The following IQSEC1 variants were observed in gnomAD, a reference collection of about 807,000 sequenced individuals.
IQSEC1 encodes the protein IQ motif and SEC7 domain-containing protein 1.
Under a neutral mutation model 91.0 loss-of-function variants are expected in IQSEC1, and 31 were observed. The ratio of observed to expected loss-of-function variants is 0.34; its 90% CI spans 0.26 to 0.46. The LOEUF is 0.46. Among genes scored for constraint, IQSEC1 ranks in the 20% least tolerant of loss-of-function variants. IQSEC1 has a pLI of 1.00. For missense variants in IQSEC1, 1,388 were observed against 1,575.6 expected (o/e 0.88, Z 2.02); for synonymous variants, 699 against 662.6 (o/e 1.05, Z -0.84).
At chr3:12,926,496 T>G (rs1408519832) in intron 3 of IQSEC1, among the ~76,000 whole-genome samples, 1 of 152,210 alleles carries the variant, frequency 6.6e-6, no homozygotes, top group Non-Finnish European at 1.5e-5. Flanking sequence ...CCGAGGGCTG[T>G]CAAGTGGTTG....
chr3:12,952,267 A>T (rs535377610), intron 1 of IQSEC1, among the ~76,000 whole-genome samples: 1 of 152,222 alleles, frequency 6.6e-6, no homozygotes, highest in East Asian at 1.9e-4. Context: ...TCAGGCTCCA[A>T]ACTGAGCTTC....
At chr3:13,087,283 TA>T (rs1025039864) in intron 2 of IQSEC1, among the ~76,000 whole-genome samples, 11 of 152,226 alleles carry the variant, frequency 7.2e-5, no homozygotes, top group Non-Finnish European at 1.5e-4. Context: ...CCTGATGTTT[TA>T]AAGAGCTCCC....
Position 13,167,788 on chromosome 3 carries a change from G to T in IQSEC1, c.273-3655C>A, listed in dbSNP as rs374252286. Among the ~76,000 whole-genome samples, 75 of 152,354 alleles carry T rather than the reference G, an allele frequency of 4.9e-4. 2 individuals carry two copies. The South Asian group carries it at 0.01, about 21-fold the overall frequency. Reference sequence around the variant, plus strand: ...ACCTGCAGACTGCCCCCTTCGCCATGTGTGCAGCCCCTCCTTCCATGCTCA... The same window carrying T: ...ACCTGCAGACTGCCCCCTTCGCCATTTGTGCAGCCCCTCCTTCCATGCTCA... On this transcript the variant is annotated intron_variant, in intron 1 of 15. Transcript: ENST00000648114.
intron 1 of IQSEC1, among the ~76,000 whole-genome samples, chr3:13,164,229 G>C (rs542789326): frequency 2.6e-5 from 4 of 152,268 alleles, no homozygotes; most frequent in African/African-American, 9.6e-5. Flanking sequence ...GGCCCCAGCT[G>C]CTCCCAGCAT....
chr3:13,067,683 A>C (rs1423876748), intron 1 of IQSEC1, among the ~76,000 whole-genome samples: 1 of 152,192 alleles, frequency 6.6e-6, no homozygotes, highest in Non-Finnish European at 1.5e-5. Flanking sequence ...CCCCACCCAC[A>C]AGGGCACACA....
upstream of IQSEC1, among the ~76,000 whole-genome samples, chr3:13,076,166 C>T (rs1273665527): frequency 6.6e-6 from 1 of 152,172 alleles, no homozygotes; most frequent in African/African-American, 2.4e-5. Context: ...TGCCCTGTGA[C>T]CCTGGTTATA....
Position 12,935,813 on chromosome 3 carries a change from C to G in IQSEC1, c.1203G>C (p.Gln401His). The G allele has an allele frequency of 1.9e-6, 3 of 1,608,098 alleles. No individual in the cohort carries two copies. The highest frequency in any genetic ancestry group is 2.5e-6 in the Non-Finnish European group (3 of 1,179,870). ...TGTGGGGACCATGCTTGGGACTGCC[C>G]TGCTGCCCGCCAAGGCTGCGCTCGT... ...SAYERSLGGQQGSPKHGPHSG... is the reference protein window; with the variant it reads ...SAYERSLGGQHGSPKHGPHSG... The change falls in exon 3 of 14, where the codon CAG (glutamine) becomes CAC (histidine). Residue 401 changes from glutamine (Q) to histidine (H), a missense_variant. By Grantham distance (24) the Gln-to-His change is conservative. This residue lies in a region of IQSEC1 where 1,059 missense variants were observed against 1,317.8 expected (regional missense o/e 0.80). Coordinates refer to ENST00000613206, the MANE Select transcript of IQSEC1 (RefSeq NM_001134382.3). The surrounding 1 kb of genome is among the most constrained non-coding windows in gnomAD (Gnocchi z 8.0).
upstream of IQSEC1, among the ~76,000 whole-genome samples, chr3:13,074,335 G>A (rs73142890): frequency 8.3e-3 from 765 of 91,628 alleles, 8 homozygotes; most frequent in African/African-American, 0.034. Context: ...TGGCCCAGAG[G>A]AGGCCAGCGT....
chr3:13,151,085 G>A (rs376759447), intron 2 of IQSEC1, among the ~76,000 whole-genome samples: 1 of 152,206 alleles, frequency 6.6e-6, no homozygotes. Flanking sequence ...GGGTCTCTGT[G>A]AGGAAATATC....
rs1196414087 is a variant in IQSEC1, at chr3:12,922,544, C to T, written c.1731-302G>A. 1.3e-5 allele frequency among the ~76,000 whole-genome samples: 2 copies of T among 152,190 alleles called. No homozygotes were observed. The highest frequency in any genetic ancestry group is 2.9e-5 in the Non-Finnish European group (2 of 68,032). On this transcript the variant is annotated intron_variant, in intron 4 of 13. Coordinates refer to ENST00000613206, the MANE Select transcript of IQSEC1 (RefSeq NM_001134382.3). The surrounding 1 kb of genome is among the most constrained non-coding windows in gnomAD (Gnocchi z 5.1). ...CTGGATCAAAGCCCTTCCCAAGAGA[C>T]AAGCATTTTTAAGCACAGCCCTCAC...
chr3:13,206,440 A>T (rs1272298187), intron 1 of IQSEC1, among the ~76,000 whole-genome samples: 2 of 152,156 alleles, frequency 1.3e-5, no homozygotes, highest in Non-Finnish European at 2.9e-5. Flanking sequence ...ATGAGACACC[A>T]CGATATGCCC....
intron 3 of IQSEC1, among the ~76,000 whole-genome samples, chr3:12,931,833 C>G (rs1172394089): frequency 6.6e-6 from 1 of 152,214 alleles, no homozygotes. Context: ...GGGGCTGCCT[C>G]CAGGTACAGG....
chr3:13,137,840 A>G (rs1277111905), intron 2 of IQSEC1, among the ~76,000 whole-genome samples: 2 of 152,226 alleles, frequency 1.3e-5, no homozygotes, highest in Admixed American at 1.3e-4. Context: ...TCTAAAAATA[A>G]TAATAATAAT....
At chr3:13,145,942 T>C (rs1037025641) in intron 2 of IQSEC1, among the ~76,000 whole-genome samples, 1 of 152,058 alleles carries the variant, frequency 6.6e-6, no homozygotes, top group South Asian at 2.1e-4. Flanking sequence ...TATGGGTGCA[T>C]GAGCAGGAGG....
intron 1 of IQSEC1, among the ~76,000 whole-genome samples, chr3:12,947,752 C>T (rs565466649): frequency 9.8e-5 from 15 of 152,356 alleles, no homozygotes; most frequent in East Asian, 3.9e-4. Context: ...GAGCCCATCA[C>T]GTGCTAAGGC....
rs1232709433 is a variant in IQSEC1, at chr3:12,899,011, C to T, written c.*1972G>A. Reference sequence around the variant, plus strand: ...TTCTGAGCAGACACCAAAGAAATGCCACGCCAATGGGAGGACACAGGTGGG... The same window carrying T: ...TTCTGAGCAGACACCAAAGAAATGCTACGCCAATGGGAGGACACAGGTGGG... On this transcript the variant is annotated 3_prime_UTR_variant, in exon 14 of 14. Coordinates refer to ENST00000613206, the MANE Select transcript of IQSEC1 (RefSeq NM_001134382.3). The T allele has an allele frequency of 2.5e-5, 6 of 240,652 alleles. No individual in the cohort carries two copies. In the East Asian group the frequency reaches 6.1e-4, roughly 24 times the overall value. 14.9% of individuals were successfully genotyped at this position (240,652 alleles called of 1,614,324 possible).
At chr3:13,245,722 G>A (rs781569689) in intron 1 of IQSEC1, among the ~76,000 whole-genome samples, 7 of 149,464 alleles carry the variant, frequency 4.7e-5, no homozygotes, top group African/African-American at 7.6e-5. Context: ...AGCAGAGGTC[G>A]CGCCACTGCA....
intron 2 of IQSEC1, among the ~76,000 whole-genome samples, chr3:13,100,633 G>A (rs1300091858): frequency 6.7e-6 from 1 of 148,754 alleles, no homozygotes; most frequent in African/African-American, 2.5e-5. Flanking sequence ...CAGGCACAAC[G>A]CCACCAAAGC....
rs3773323 is a variant in IQSEC1, at chr3:12,932,968, C to A, written c.1568+2480G>T. Reference sequence around the variant, plus strand: ...CTCAGGCTTCGTTTCTGTTCTTCCTCCCCGCTTGCTGCTGGCTCTCCCACT... The same window carrying A: ...CTCAGGCTTCGTTTCTGTTCTTCCTACCCGCTTGCTGCTGGCTCTCCCACT... On this transcript the variant is annotated intron_variant, in intron 3 of 13. Coordinates refer to ENST00000613206, the MANE Select transcript of IQSEC1 (RefSeq NM_001134382.3). Among the ~76,000 whole-genome samples the A allele has an allele frequency of 1.8e-4, 28 of 152,370 alleles. No homozygotes were observed. The East Asian group carries it at 4.4e-3, about 24-fold the overall frequency.
Sources: gnomAD v4.1 joint callset for allele counts (sites outside exome capture counted in the v4.1 genomes callset) on GRCh38, gnomAD v4.1.1 for gene constraint, gnomAD v4.1.1 regional missense constraint, Gnocchi (gnomAD v3.1) non-coding constraint, MANE v1.5 for transcripts, NCBI Gene and HGNC (gene_info 2026-07-23, HGNC 2026-07-21) for gene names.